LRRFIP1: variants seen among roughly 807,000 people sequenced by gnomAD.
The protein encoded by LRRFIP1 is leucine-rich repeat flightless-interacting protein 1.
A neutral mutation model predicts 104.4 loss-of-function variants in LRRFIP1; 62 were observed. The observed-to-expected ratio is 0.59, with a 90% CI of 0.48 to 0.73. The LOEUF (loss-of-function observed/expected upper bound fraction) is 0.73. Among genes scored for constraint, LRRFIP1 ranks in the 30% least tolerant of loss-of-function variants. The pLI is 0.00. For synonymous variants in LRRFIP1, 300 were observed against 299.0 expected, an observed-to-expected ratio of 1.00 and a Z score of -0.03; for missense variants, 796 against 824.5, an observed-to-expected ratio of 0.97 and a Z score of 0.42.
At chr2:237,775,473 G>C in intron 23 of LRRFIP1, among the ~76,000 whole-genome samples, 1 of 152,208 alleles carries the variant, frequency 6.6e-6, no homozygotes, top group African/African-American at 2.4e-5. Context: ...ATCCTCCTGT[G>C]CATAAAGTGG....
At chr2:237,657,491 A>AAAC (rs527479687) in intron 1 of LRRFIP1, among the ~76,000 whole-genome samples, 3 of 152,058 alleles carry the variant, frequency 2.0e-5, no homozygotes, top group African/African-American at 7.2e-5. Flanking sequence ...GACAGGCAAA[A>AAAC]AACAACAACA....
chr2:237,751,025 C>T (rs2058565514), intron 13 of LRRFIP1, among the ~76,000 whole-genome samples, 175 bp from the exon 14 acceptor site: 2 of 152,086 alleles, frequency 1.3e-5, no homozygotes, highest in Non-Finnish European at 2.9e-5. Context: ...ATATGGGATA[C>T]ACCTGAACTT....
intron 1 of LRRFIP1, chr2:237,692,301 G>A: frequency 8.3e-7 from 1 of 1,203,824 alleles, no homozygotes. Context: ...TCCCCGGCGG[G>A]CTGGCTCCTG....
chr2:237,771,561 CCCCCG>C (rs1410383452), intron 20 of LRRFIP1, among the ~76,000 whole-genome samples: 2,777 of 97,632 alleles, frequency 0.028, 248 homozygotes, highest in African/African-American at 0.1. Context: ...TCCCCCCCCC[CCCCCG>C]CCCAGATACC....
At chr2:237,733,219 G>C (rs2095090698) in intron 8 of LRRFIP1, among the ~76,000 whole-genome samples, 1 of 152,182 alleles carries the variant, frequency 6.6e-6, no homozygotes, top group Non-Finnish European at 1.5e-5. Flanking sequence ...TGCTAGGCAG[G>C]ATTCTCCTTT....
intron 1 of LRRFIP1, among the ~76,000 whole-genome samples, chr2:237,640,152 C>G (rs568409826): frequency 6.6e-6 from 1 of 152,272 alleles, no homozygotes; most frequent in South Asian, 2.1e-4. Context: ...TTTAAACCTC[C>G]TGGAAATTAG....
chr2:237,660,796 C>T (rs2087768117), intron 1 of LRRFIP1, among the ~76,000 whole-genome samples: 1 of 152,212 alleles, frequency 6.6e-6, no homozygotes, highest in Non-Finnish European at 1.5e-5. Flanking sequence ...CTTCAACACA[C>T]AAGTTCAGTG....
chr2:237,734,533 G>A (rs1053999305), intron 9 of LRRFIP1, among the ~76,000 whole-genome samples: 1 of 152,192 alleles, frequency 6.6e-6, no homozygotes, highest in East Asian at 1.9e-4. Flanking sequence ...GCCTGCCTCG[G>A]CCTCCCAGAG....
At chr2:237,687,626 AGG>A (rs1232832981) in intron 1 of LRRFIP1, among the ~76,000 whole-genome samples, 4 of 141,318 alleles carry the variant, frequency 2.8e-5, no homozygotes, top group African/African-American at 1.0e-4. Flanking sequence ...AAAAAAAAAG[AGG>A]TGATCCAAAT....
At chr2:237,640,560 A>T (rs1451362682) in intron 1 of LRRFIP1, among the ~76,000 whole-genome samples, 1 of 152,116 alleles carries the variant, frequency 6.6e-6, no homozygotes, top group Non-Finnish European at 1.5e-5. Context: ...CACCCCCCAG[A>T]TGAGAAGGGG....
At chr2:237,742,296 G>T (rs1011552799) in intron 11 of LRRFIP1, among the ~76,000 whole-genome samples, 2 of 152,194 alleles carry the variant, frequency 1.3e-5, no homozygotes, top group African/African-American at 4.8e-5. Flanking sequence ...GCAAAGGTCA[G>T]TTGATTGCGG....
chr2:237,772,704 T>G (rs985882844), intron 21 of LRRFIP1, 162 bp from the exon 22 acceptor site: 2 of 604,722 alleles, frequency 3.3e-6, no homozygotes, highest in African/African-American at 1.9e-5. Context: ...GGGGAGAGAG[T>G]GCCTTCTCCT....
chr2:237,696,631 C>T (rs74001265), intron 1 of LRRFIP1, among the ~76,000 whole-genome samples: 1,584 of 152,312 alleles, frequency 0.01, 29 homozygotes, highest in African/African-American at 0.036. Context: ...AACTGAGGCT[C>T]AGAAAGGTCA....
At chr2:237,654,725 A>G (rs1385776499) in intron 1 of LRRFIP1, among the ~76,000 whole-genome samples, 11 of 151,868 alleles carry the variant, frequency 7.2e-5, no homozygotes. Context: ...TACTTTTTGT[A>G]TTTTTAGTAG....
chr2:237,705,664 CA>C (rs572956705), intron 1 of LRRFIP1, among the ~76,000 whole-genome samples: 304 of 135,980 alleles, frequency 2.2e-3, no homozygotes, highest in Middle Eastern at 7.5e-3. Context: ...ACCCTGTCTC[CA>C]AAAAAAAAAA....
chr2:237,735,307 C>T lies in LRRFIP1; in HGVS notation c.529C>T (p.Arg177Trp), dbSNP rs374484573. 3.2e-5 allele frequency: 52 copies of T among 1,613,384 alleles called. No individual in the cohort carries two copies. Among genetic ancestry groups the T allele is most frequent in the Admixed American group, 8.3e-5 (5 of 59,990 alleles). ...TGAAGGCAGCTTCGGTGGGACCCGA[C>T]GGGGCAGCACCTCCGGCTCCCGTGC... Reference protein sequence around the residue: ...LDEGSFGGTRRGSTSGSRAPS... With the variant: ...LDEGSFGGTRWGSTSGSRAPS... The change falls in exon 10 of 24, where the codon CGG (arginine) becomes TGG (tryptophan). Residue 177 changes from arginine to tryptophan, a missense_variant. Arg to Trp is a moderately radical substitution (Grantham distance 101). Coordinates refer to ENST00000308482, the MANE Select transcript of LRRFIP1 (RefSeq NM_001137550.2). The surrounding 1 kb of genome is among the most constrained non-coding windows in gnomAD (Gnocchi z 4.6).
At chr2:237,773,325 GTCGAGAGT>G (rs1559869636) in intron 22 of LRRFIP1, among the ~76,000 whole-genome samples, 1 of 152,158 alleles carries the variant, frequency 6.6e-6, no homozygotes, top group African/African-American at 2.4e-5. Flanking sequence ...ATCACTGAAG[GTCGAGAGT>G]TCGAGACCAG....
At chr2:237,651,379 A>G (rs1187330225) in intron 1 of LRRFIP1, among the ~76,000 whole-genome samples, 2 of 152,256 alleles carry the variant, frequency 1.3e-5, no homozygotes, top group Non-Finnish European at 2.9e-5. Flanking sequence ...CCTTGGTATC[A>G]TCTAATATCT....
intron 14 of LRRFIP1, among the ~76,000 whole-genome samples, chr2:237,752,977 G>A (rs1017264144): frequency 4.6e-5 from 7 of 152,190 alleles, no homozygotes; most frequent in Non-Finnish European, 1.0e-4. Flanking sequence ...GCCCTAGGAC[G>A]CCGTGCTGGG....
Sources: allele counts gnomAD v4.1 joint callset (sites outside exome capture counted in the v4.1 genomes callset), GRCh38; gene constraint gnomAD v4.1.1; non-coding constraint Gnocchi (gnomAD v3.1); transcripts MANE v1.5; gene names NCBI Gene and HGNC (gene_info 2026-07-23, HGNC 2026-07-21).